Variants in PDE10A observed in about 807,000 individuals in gnomAD.
PDE10A encodes the protein phosphodiesterase 10A.
Under a neutral mutation model 97.7 loss-of-function variants are expected in PDE10A, and 39 were observed. The observed-to-expected ratio is 0.40, with a 90% CI of 0.31 to 0.52. The LOEUF is 0.52. Ranked by LOEUF, PDE10A falls within the 20% of genes least tolerant of loss-of-function variation. The pLI is 0.56. For synonymous variants in PDE10A, 371 were observed against 376.8 expected (o/e 0.98, Z 0.18); for missense variants, 731 against 1,047.8 (o/e 0.70, Z 4.17).
At chr6:165,398,867 T>A (rs562825006) in intron 13 of PDE10A, among the ~76,000 whole-genome samples, 4 of 152,280 alleles carry the variant, frequency 2.6e-5, no homozygotes, top group African/African-American at 9.6e-5. Context: ...CTAAACATCA[T>A]GACTAGAAGT....
At chr6:165,408,895 G>A (rs563307962) in intron 13 of PDE10A, among the ~76,000 whole-genome samples, 26 of 152,252 alleles carry the variant, frequency 1.7e-4, no homozygotes, top group African/African-American at 6.3e-4. Context: ...GCAGGGCGCG[G>A]TGGCTCACAC....
intron 1 of PDE10A, among the ~76,000 whole-genome samples, chr6:165,594,345 C>A (rs2987299): frequency 0.71 from 108,044 of 152,122 alleles, 40,221 homozygotes; most frequent in Non-Finnish European, 0.83. Flanking sequence ...TTTGAAAGAA[C>A]GCATACTGGC....
At chr6:165,616,995 G>A (rs1229299177) in intron 1 of PDE10A, among the ~76,000 whole-genome samples, 1 of 152,304 alleles carries the variant, frequency 6.6e-6, no homozygotes, top group East Asian at 1.9e-4. Context: ...CAGAATCAAA[G>A]CTATGGGAAA....
chr6:165,563,522 A>T (rs1341944563), intron 1 of PDE10A, among the ~76,000 whole-genome samples: 2 of 152,132 alleles, frequency 1.3e-5, no homozygotes, highest in Admixed American at 6.6e-5. Flanking sequence ...ATAAAATAAA[A>T]ATTATACCTC....
At chr6:165,607,331 C>T (rs776597861) in intron 1 of PDE10A, among the ~76,000 whole-genome samples, 50 of 152,196 alleles carry the variant, frequency 3.3e-4, no homozygotes, top group African/African-American at 1.1e-3. Context: ...AATATTATAA[C>T]GAAGCTTAAA....
intron 13 of PDE10A, among the ~76,000 whole-genome samples, chr6:165,397,790 T>G (rs926984050): frequency 2.6e-5 from 4 of 151,884 alleles, no homozygotes; most frequent in African/African-American, 9.7e-5. Flanking sequence ...ATATTTAGCT[T>G]CCTTCTTGGT....
chr6:165,883,553 A>T (rs4991912), intron 1 of PDE10A, among the ~76,000 whole-genome samples: 825 of 64,170 alleles, frequency 0.013, 7 homozygotes, highest in African/African-American at 0.032. Context: ...AAAAAAAAAA[A>T]TAAATAAAAA....
intron 1 of PDE10A, among the ~76,000 whole-genome samples, chr6:165,705,565 A>C (rs1380091601): frequency 1.3e-5 from 2 of 152,242 alleles, no homozygotes; most frequent in African/African-American, 4.8e-5. Context: ...TCAAAATGTT[A>C]TTCAAATAAT....
intron 1 of PDE10A, among the ~76,000 whole-genome samples, chr6:165,638,465 T>C (rs1210347324): frequency 1.3e-5 from 2 of 152,232 alleles, no homozygotes; most frequent in Non-Finnish European, 2.9e-5. Flanking sequence ...AATTTTCTTA[T>C]ACCAATTCTT....
intron 3 of PDE10A, among the ~76,000 whole-genome samples, chr6:165,464,928 G>T (rs1398422096): frequency 6.6e-6 from 1 of 152,162 alleles, no homozygotes; most frequent in African/African-American, 2.4e-5. Context: ...TGGGATGTTT[G>T]TTTCCAGTTT....
At chr6:165,397,702 CAA>C (rs71026686) in intron 13 of PDE10A, among the ~76,000 whole-genome samples, 77 of 88,368 alleles carry the variant, frequency 8.7e-4, no homozygotes, top group Middle Eastern at 6.5e-3. Flanking sequence ...AACTCCATCT[CAA>C]AAAAAAAAAA....
At chr6:165,981,677 A>G (rs548978756) in intron 1 of PDE10A, among the ~76,000 whole-genome samples, 60 of 152,330 alleles carry the variant, frequency 3.9e-4, no homozygotes, top group African/African-American at 1.2e-3. Flanking sequence ...CAAAGAAACT[A>G]TCACAAGAAC....
At position 165,608,108 on chromosome 6, in the gene PDE10A, GTA is replaced by G. The variant is rs746738828; in HGVS notation, c.865+53837_865+53838del. Among the ~76,000 whole-genome samples, 20 of 144,634 alleles carry G rather than the reference GTA, an allele frequency of 1.4e-4. 1 individual carries two copies. In the South Asian group the frequency reaches 1.9e-3, roughly 14 times the overall value. 94.9% of individuals were successfully genotyped at this position (144,634 alleles called of 152,430 possible). ...TATATATATGTGCATATATATACATGTATATATATATATTTTATTATACTTTA... is the reference window on the plus strand; with the variant it reads ...TATATATATGTGCATATATATACATGTATATATATATTTTATTATACTTTA... On this transcript the variant is annotated intron_variant, in intron 1 of 21. Coordinates refer to ENST00000539869, the MANE Select transcript of PDE10A (RefSeq NM_001385079.1).
intron 12 of PDE10A, among the ~76,000 whole-genome samples, chr6:165,414,885 G>A (rs1788196830): frequency 6.6e-6 from 1 of 152,178 alleles, no homozygotes; most frequent in South Asian, 2.1e-4. Flanking sequence ...CTGCTGTACA[G>A]TGAGGTCTCA....
At chr6:165,475,866 C>CATT (rs1458385901) in intron 3 of PDE10A, among the ~76,000 whole-genome samples, 11 of 152,146 alleles carry the variant, frequency 7.2e-5, no homozygotes. Flanking sequence ...GATTCCAGCG[C>CATT]ATCAATTTGT....
intron 1 of PDE10A, chr6:165,775,057 G>A (rs1204877346): frequency 6.6e-6 from 1 of 152,126 alleles, no homozygotes; most frequent in African/African-American, 2.4e-5. Flanking sequence ...GTTGGCCTGG[G>A]CAAGGAGGGA....
At chr6:165,422,041 G>A (rs1458273754) in intron 10 of PDE10A, among the ~76,000 whole-genome samples, 3 of 149,290 alleles carry the variant, frequency 2.0e-5, no homozygotes, top group African/African-American at 7.6e-5. Flanking sequence ...TCCAGCCAGG[G>A]TGACAGTGCC....
chr6:165,639,937 G>A (rs574373993), intron 1 of PDE10A, among the ~76,000 whole-genome samples: 14 of 151,842 alleles, frequency 9.2e-5, no homozygotes, highest in Non-Finnish European at 1.5e-4. Context: ...AGGTGTGGTG[G>A]TGCACACCTG....
At position 165,450,313 on chromosome 6, in the gene PDE10A, A is replaced by G. The variant is rs1791192787; in HGVS notation, c.1073T>C (p.Ile358Thr). ...QGVVYELNSY[I>T]EQRLDTGGDN... ...TCCTCCTGTGTCCAACCGTTGTTCT[A>G]TATAGCTGTTTAGTTCATATACAAC... The change falls in exon 4 of 22, where the codon ATA (isoleucine) becomes ACA (threonine). Residue 358 changes from isoleucine to threonine, a missense_variant. Coordinates refer to ENST00000539869, the MANE Select transcript of PDE10A (RefSeq NM_001385079.1). 1 of 1,592,860 alleles carries G rather than the reference A, an allele frequency of 6.3e-7. No individual in the cohort carries two copies. Among genetic ancestry groups the G allele is most frequent in the Non-Finnish European group, 8.6e-7 (1 of 1,161,850 alleles).
Sources: gnomAD v4.1 joint callset for allele counts (sites outside exome capture counted in the v4.1 genomes callset) on GRCh38, gnomAD v4.1.1 for gene constraint, MANE v1.5 for transcripts, NCBI Gene and HGNC (gene_info 2026-07-23, HGNC 2026-07-21) for gene names.